Variants in ZC3H12B observed in about 807,000 individuals in gnomAD.
The protein encoded by ZC3H12B is zinc finger CCCH-type containing 12B.
In ZC3H12B, 7 loss-of-function variants were observed where a neutral mutation model predicts 43.9. That is an observed-to-expected ratio of 0.16 (90% CI 0.09 to 0.30). The LOEUF (loss-of-function observed/expected upper bound fraction) is 0.30. Among genes scored for constraint, ZC3H12B ranks in the 10% least tolerant of loss-of-function variants. ZC3H12B has a pLI of 1.00. For missense variants in ZC3H12B, 475 were observed against 670.2 expected, an observed-to-expected ratio of 0.71 and a Z score of 3.22; for synonymous variants, 222 against 241.7, an observed-to-expected ratio of 0.92 and a Z score of 0.76.
the ZC3H12B span, among the ~76,000 whole-genome samples, chrX:65,069,120 A>G: frequency 3.7e-5 from 4 of 108,612 alleles, no homozygotes; most frequent in Non-Finnish European, 1.9e-5. Context: ...TTTGGGTTCA[A>G]TCTGCTTGGT....
intron 3 of ZC3H12B, among the ~76,000 whole-genome samples, chrX:65,411,463 C>T (rs2066902221): frequency 9.0e-6 from 1 of 111,481 alleles, no homozygotes; most frequent in South Asian, 3.8e-4. Flanking sequence ...CATGGTGGCT[C>T]ATGCCTGTAA....
the ZC3H12B span, among the ~76,000 whole-genome samples, chrX:65,344,311 T>G: frequency 1.8e-5 from 2 of 111,690 alleles, no homozygotes; most frequent in Admixed American, 1.9e-4. Context: ...ACATTCTTCA[T>G]AGAACTATAA....
At chrX:65,104,736 A>T in the ZC3H12B span, among the ~76,000 whole-genome samples, 1 of 111,977 alleles carries the variant, frequency 8.9e-6, no homozygotes, top group Admixed American at 9.5e-5. Context: ...AATGGTGATC[A>T]TTAAAAGTCT....
chrX:65,352,442 G>C, the ZC3H12B span, among the ~76,000 whole-genome samples: 6 of 99,892 alleles, frequency 6.0e-5, no homozygotes, highest in South Asian at 3.0e-3. Context: ...TTCTGCACAC[G>C]TATCCCAGAA....
intron 3 of ZC3H12B, among the ~76,000 whole-genome samples, chrX:65,407,745 C>G (rs1291342516): frequency 8.8e-6 from 1 of 113,702 alleles, no homozygotes; most frequent in Non-Finnish European, 1.9e-5. Flanking sequence ...GCCCCCGCCT[C>G]CCCGCCCGGG....
chrX:65,449,956 C>A (rs1392098105), intron 3 of ZC3H12B, among the ~76,000 whole-genome samples: 2 of 111,018 alleles, frequency 1.8e-5, no homozygotes, highest in Non-Finnish European at 3.8e-5. Context: ...CACCACCATA[C>A]AATTCATTCA....
At chrX:65,111,081 T>C in the ZC3H12B span, among the ~76,000 whole-genome samples, 2 of 111,722 alleles carry the variant, frequency 1.8e-5, no homozygotes, top group East Asian at 5.6e-4. Context: ...GTTGATCTTG[T>C]ATCCTGAGAC....
At chrX:65,076,446 C>T in the ZC3H12B span, among the ~76,000 whole-genome samples, 2 of 111,561 alleles carry the variant, frequency 1.8e-5, no homozygotes, top group Non-Finnish European at 3.8e-5. Flanking sequence ...GCTTGTTACC[C>T]CTGTTTCTTG....
chrX:65,158,429 C>A, the ZC3H12B span, among the ~76,000 whole-genome samples: 2 of 111,571 alleles, frequency 1.8e-5, no homozygotes, highest in African/African-American at 6.5e-5. Flanking sequence ...TCCTCTCCAG[C>A]ACCTGTTGTT....
intron 1 of ZC3H12B, among the ~76,000 whole-genome samples, chrX:65,491,019 T>C (rs1376529205): frequency 9.0e-6 from 1 of 111,182 alleles, no homozygotes; most frequent in Admixed American, 9.6e-5. Flanking sequence ...TAGTATATAG[T>C]CCTGTTTAAT....
the ZC3H12B span, among the ~76,000 whole-genome samples, chrX:65,149,621 G>A: frequency 9.2e-6 from 1 of 108,306 alleles, no homozygotes; most frequent in East Asian, 2.9e-4. Context: ...AAAATTAACT[G>A]GGCATGATGG....
At chrX:65,057,339 A>G in the ZC3H12B span, among the ~76,000 whole-genome samples, 2 of 111,435 alleles carry the variant, frequency 1.8e-5, no homozygotes, top group Admixed American at 1.9e-4. Context: ...TCCTTCACTT[A>G]TGAAGCTTAG....
intron 1 of ZC3H12B, among the ~76,000 whole-genome samples, chrX:65,366,971 G>C (rs2066182244): frequency 8.9e-6 from 1 of 112,259 alleles, no homozygotes; most frequent in Non-Finnish European, 1.9e-5. Context: ...GATCTTACAA[G>C]ATATTTAGCA....
chrX:65,408,668 C>A, intron 3 of ZC3H12B: 1 of 990,508 alleles, frequency 1.0e-6, no homozygotes, highest in African/African-American at 1.9e-5. Flanking sequence ...AGATGAGAGG[C>A]CCGGCAAGCC....
intron 3 of ZC3H12B, among the ~76,000 whole-genome samples, chrX:65,464,015 A>G (rs1421507162): frequency 9.0e-6 from 1 of 111,596 alleles, no homozygotes; most frequent in East Asian, 2.8e-4. Context: ...CCTGTTTCCC[A>G]TAAGTTGTTT....
the ZC3H12B span, among the ~76,000 whole-genome samples, chrX:65,262,140 C>T: frequency 4.5e-5 from 5 of 110,995 alleles, no homozygotes; most frequent in Non-Finnish European, 3.8e-5. Flanking sequence ...CCAAATATAA[C>T]CTACTATATA....
At chrX:65,186,246 C>A in the ZC3H12B span, 2 of 110,884 alleles carry the variant, frequency 1.8e-5, no homozygotes, top group African/African-American at 6.6e-5. Context: ...TAATCCAGCA[C>A]TTTGGGAGGC....
the ZC3H12B span, among the ~76,000 whole-genome samples, chrX:65,166,462 C>T: frequency 9.9e-5 from 11 of 111,654 alleles, no homozygotes; most frequent in Non-Finnish European, 1.5e-4. Context: ...CATTTGGGTT[C>T]GTTCCAAGTC....
chrX:65,349,878 A>G, the ZC3H12B span, among the ~76,000 whole-genome samples: 1 of 112,004 alleles, frequency 8.9e-6, no homozygotes, highest in Admixed American at 9.5e-5. Context: ...AACAACCAAA[A>G]AAAAGTCCAG....
Sources: allele counts gnomAD v4.1 joint callset (sites outside exome capture counted in the v4.1 genomes callset), GRCh38; gene constraint gnomAD v4.1.1; transcripts MANE v1.5; gene names NCBI Gene and HGNC (gene_info 2026-07-23, HGNC 2026-07-21).